Variants in FAM13B observed in about 807,000 individuals in gnomAD.
FAM13B encodes family with sequence similarity 13 member B.
Under a neutral mutation model 117.3 loss-of-function variants are expected in FAM13B, and 60 were observed. The ratio of observed to expected loss-of-function variants is 0.51; its 90% CI spans 0.42 to 0.63. The LOEUF is 0.63. Among genes scored for constraint, FAM13B ranks in the 30% least tolerant of loss-of-function variants. The pLI is 0.00. For synonymous variants in FAM13B, 332 were observed against 356.1 expected (o/e 0.93, Z 0.76); for missense variants, 972 against 1,091.9 (o/e 0.89, Z 1.55).
intron 7 of FAM13B, among the ~76,000 whole-genome samples, chr5:137,990,880 C>A (rs1778443691): frequency 6.6e-6 from 1 of 152,098 alleles, no homozygotes; most frequent in South Asian, 2.1e-4. Context: ...ATGAAACTGG[C>A]ATGCATGTTG....
intron 7 of FAM13B, among the ~76,000 whole-genome samples, chr5:138,003,519 A>G (rs777593049): frequency 6.6e-6 from 1 of 152,196 alleles, no homozygotes; most frequent in Non-Finnish European, 1.5e-5. Context: ...CATAAATATT[A>G]CTAAATCTAG....
intron 7 of FAM13B, among the ~76,000 whole-genome samples, chr5:138,005,438 G>T (rs1782297102): frequency 7.2e-6 from 1 of 139,500 alleles, no homozygotes; most frequent in African/African-American, 2.6e-5. Flanking sequence ...TTAGAAGGAG[G>T]AAAAAAGGGC....
At chr5:137,992,390 T>TA (rs981671322) in intron 7 of FAM13B, among the ~76,000 whole-genome samples, 30 of 149,568 alleles carry the variant, frequency 2.0e-4, no homozygotes, top group African/African-American at 7.1e-4. Context: ...GGTCGGGAGT[T>TA]AGAGGCCAGC....
chr5:137,985,283 C>A lies in FAM13B; in HGVS notation c.1153G>T (p.Val385Leu), dbSNP rs947619062. 1 of 1,613,494 alleles carries A rather than the reference C, an allele frequency of 6.2e-7. No individual in the cohort carries two copies. Among genetic ancestry groups the A allele is most frequent in the African/African-American group, 1.3e-5 (1 of 74,902 alleles). ...TGGGTATTTTCTTCATTCTCAAATA[C>A]ACAATCTTGCTGCATAGCTTCATTG... ...LDNEAMQQDC[V>L]FENEENTQSV... The change falls in exon 10 of 24, where the codon GTA (valine) becomes TTA (leucine). Residue 385 changes from valine to leucine, a missense_variant. Transcript: ENST00000689681.
chr5:137,958,613 TGAATGAATATG>T (rs1767238351), intron 13 of FAM13B, among the ~76,000 whole-genome samples: 1 of 152,228 alleles, frequency 6.6e-6, no homozygotes. Context: ...TTCATCCAAG[TGAATGAATATG>T]TAACTATCCT....
chr5:137,979,566 T>C (rs1775052220), intron 10 of FAM13B, among the ~76,000 whole-genome samples: 1 of 152,228 alleles, frequency 6.6e-6, no homozygotes, highest in South Asian at 2.1e-4. Context: ...TCCAGAATTA[T>C]CTTCTACTAT....
At position 137,971,788 on chromosome 5, in the gene FAM13B, C is replaced by T. The variant is rs947070870; in HGVS notation, c.1180-9319G>A. Among the ~76,000 whole-genome samples, 292 of 150,208 alleles carry T rather than the reference C, an allele frequency of 1.9e-3. 3 individuals are homozygous for T. The highest frequency in any genetic ancestry group is 3.4e-3 in the Non-Finnish European group (227 of 67,192). On this transcript the variant is annotated intron_variant, in intron 10 of 23. Transcript: ENST00000689681. Reference sequence around the variant, plus strand: ...AAAATGATAAAGGGGATATCACCACCAATCCCACAGAAATACAAACTACCA... The same window carrying T: ...AAAATGATAAAGGGGATATCACCACTAATCCCACAGAAATACAAACTACCA...
chr5:137,983,199 AAAAAAAAAAAAAAAAAC>A lies in FAM13B; in HGVS notation c.1179+2041_1179+2057del, dbSNP rs1394719769. Among the ~76,000 whole-genome samples the A allele has an allele frequency of 1.3e-3, 126 of 98,382 alleles. 1 individual carries two copies. Among genetic ancestry groups the A allele is most frequent in the Non-Finnish European group, 2.5e-3 (108 of 43,500 alleles). 64.5% of individuals were successfully genotyped at this position (98,382 alleles called of 152,430 possible). ...GGTAAAAAAAAAAAAAAAAAAAAAA[AAAAAAAAAAAAAAAAAC>A]CGAGTGAGATATCCTGAATGCCAAG... is the stretch of plus-strand genomic sequence containing the variant. On this transcript the variant is annotated intron_variant, in intron 10 of 23. Transcript: ENST00000689681.
At chr5:138,036,102 G>A (rs912653514), upstream of FAM13B, 1 of 307,668 alleles carries the variant, frequency 3.3e-6, no homozygotes, top group Non-Finnish European at 6.4e-6. Context: ...CTTTATTGTG[G>A]GACAAGGTTG....
chr5:138,010,125 C>T (rs1236470570), intron 6 of FAM13B, among the ~76,000 whole-genome samples: 1 of 152,078 alleles, frequency 6.6e-6, no homozygotes, highest in Non-Finnish European at 1.5e-5. Flanking sequence ...GGATTACAGG[C>T]ACATGCCCCT....
intron 1 of FAM13B, among the ~76,000 whole-genome samples, chr5:138,042,949 G>A (rs547881759): frequency 2.6e-5 from 4 of 152,160 alleles, no homozygotes; most frequent in South Asian, 2.1e-4. Context: ...AAAAGTAGCC[G>A]GGTGTGGTGG....
rs1782745424 is a variant in FAM13B at position 138,007,116 on chromosome 5, T to C, written c.722A>G (p.Asp241Gly). The change falls in exon 7 of 24, where the codon GAT becomes GGT. Residue 241 changes from aspartate to glycine, a missense_variant. By Grantham distance (94) the Asp-to-Gly change is moderately conservative. Coordinates refer to ENST00000689681, the MANE Select transcript of FAM13B (RefSeq NM_001385994.1). ...VNELSEEEEE[D>G]EKLEHIEELP... ...TTCTTCAATATGTTCCAGCTTTTCATCTTCCTCTTCTTCCTCAGAAAGTTC... is the reference window on the plus strand; with the variant it reads ...TTCTTCAATATGTTCCAGCTTTTCACCTTCCTCTTCTTCCTCAGAAAGTTC... 1.9e-6 allele frequency: 3 copies of C among 1,609,458 alleles called. No individual in the cohort carries two copies. The highest frequency in any genetic ancestry group is 8.5e-7 in the Non-Finnish European group (1 of 1,178,902).
At chr5:138,001,412 A>G (rs1041512634) in intron 7 of FAM13B, among the ~76,000 whole-genome samples, 1 of 152,154 alleles carries the variant, frequency 6.6e-6, no homozygotes, top group Non-Finnish European at 1.5e-5. Context: ...TAATCAAACA[A>G]TATATTTTAT....
At chr5:137,993,506 A>G (rs4835663) in intron 7 of FAM13B, among the ~76,000 whole-genome samples, 149,098 of 152,048 alleles carry the variant, frequency 0.98, 73,174 homozygotes, top group Middle Eastern at 1. Flanking sequence ...AAAGAGGCTG[A>G]GCATGGTGGC....
intron 1 of FAM13B, among the ~76,000 whole-genome samples, chr5:138,043,659 C>T (rs1297515538): frequency 6.6e-6 from 1 of 151,780 alleles, no homozygotes; most frequent in Non-Finnish European, 1.5e-5. Flanking sequence ...AGACTGGTCT[C>T]GAACTCCTGA....
chr5:137,951,626 T>C (rs899625454), intron 17 of FAM13B, among the ~76,000 whole-genome samples: 5 of 152,088 alleles, frequency 3.3e-5, no homozygotes, highest in African/African-American at 1.2e-4. Flanking sequence ...GCTACCACAC[T>C]TCAACCTCGA....
chr5:138,022,112 CAAAAAAA>C (rs34110085), intron 1 of FAM13B, among the ~76,000 whole-genome samples: 2 of 135,582 alleles, frequency 1.5e-5, no homozygotes, highest in African/African-American at 5.8e-5. Context: ...GATCCTGTCT[CAAAAAAA>C]AAAAAAAAAA....
intron 4 of FAM13B, among the ~76,000 whole-genome samples, chr5:138,014,599 G>A (rs2085983): frequency 0.74 from 112,280 of 152,126 alleles, 42,100 homozygotes; most frequent in East Asian, 0.97. Context: ...CTAGAGCACT[G>A]CCTAGCACAC....
intron 2 of FAM13B, 90 bp from the exon 3 acceptor site, chr5:138,019,236 A>C: frequency 9.0e-7 from 1 of 1,113,360 alleles, no homozygotes; most frequent in Non-Finnish European, 1.3e-6. Flanking sequence ...TTTACACCTG[A>C]ATGTGTTCTC....
Sources: allele counts gnomAD v4.1 joint callset (sites outside exome capture counted in the v4.1 genomes callset), GRCh38; gene constraint gnomAD v4.1.1; transcripts MANE v1.5; gene names NCBI Gene and HGNC (gene_info 2026-07-23, HGNC 2026-07-21).